The following ATP11C variants were observed in gnomAD, a reference collection of about 807,000 sequenced individuals.
ATP11C encodes the protein phospholipid-transporting ATPase IG.
A neutral mutation model predicts 97.4 loss-of-function variants in ATP11C; 36 were observed. That is an observed-to-expected ratio of 0.37 (90% confidence interval 0.28 to 0.49). The LOEUF is 0.49. Among genes scored for constraint, ATP11C ranks in the 20% least tolerant of loss-of-function variants. The pLI, the probability that ATP11C is intolerant of heterozygous loss-of-function variation, is 0.98. For missense variants in ATP11C, 730 were observed against 824.6 expected (o/e 0.89, Z 1.40); for synonymous variants, 275 against 290.9 (o/e 0.95, Z 0.56).
intron 28 of ATP11C, among the ~76,000 whole-genome samples, chrX:139,734,023 T>C (rs2081396693): frequency 9.0e-6 from 1 of 110,974 alleles, no homozygotes; most frequent in Non-Finnish European, 1.9e-5. Flanking sequence ...CCACATTCCT[T>C]TGCAGTCATC....
At chrX:139,732,384 G>A in intron 28 of ATP11C, 2 of 306,968 alleles carry the variant, frequency 6.5e-6, no homozygotes, top group South Asian at 3.3e-5. Context: ...AGAAAATGGT[G>A]TCAGGCAAAT....
intron 2 of ATP11C, among the ~76,000 whole-genome samples, chrX:139,826,311 C>G (rs2083527753): frequency 9.1e-6 from 1 of 109,748 alleles, no homozygotes; most frequent in South Asian, 4.0e-4. Context: ...CATTCCAGGA[C>G]AGCATTCTCC....
chrX:139,870,180 T>A (rs1012525005), intron 1 of ATP11C, among the ~76,000 whole-genome samples: 4 of 111,946 alleles, frequency 3.6e-5, no homozygotes, highest in Non-Finnish European at 1.9e-5. Context: ...TCAAATTGTA[T>A]GCATTAAATA....
chrX:139,757,372 G>A (rs1212129797), intron 23 of ATP11C, among the ~76,000 whole-genome samples: 1 of 111,354 alleles, frequency 9.0e-6, no homozygotes, highest in African/African-American at 3.3e-5. Flanking sequence ...ACAATAGAAG[G>A]CAAAACATCT....
chrX:139,861,299 T>C (rs1053799629), intron 1 of ATP11C, among the ~76,000 whole-genome samples: 4 of 111,886 alleles, frequency 3.6e-5, no homozygotes, highest in African/African-American at 1.3e-4. Context: ...CACTATTTTA[T>C]TCATTTCATA....
Position 139,729,008 on chromosome X carries a change from T to C in ATP11C, c.*4-46A>G, listed in dbSNP as rs761278491. The C allele has an allele frequency of 1.2e-5, 12 of 973,912 alleles. No homozygotes were observed. In the Admixed American group the frequency reaches 2.5e-4, roughly 21 times the overall value. 80.3% of individuals were successfully genotyped at this position (973,912 alleles called of 1,213,427 possible). Reference sequence around the variant, plus strand: ...AGATTTAAAAGGCTTATTTTAATAATGTGAAACCATCTGTTAAGCATTTTC... The same window carrying C: ...AGATTTAAAAGGCTTATTTTAATAACGTGAAACCATCTGTTAAGCATTTTC... On this transcript the variant is annotated intron_variant, in intron 29 of 29. Transcript: ENST00000682941.
At chrX:139,934,417 T>C (rs1181296961), upstream of ATP11C, among the ~76,000 whole-genome samples, 1 of 111,174 alleles carries the variant, frequency 9.0e-6, no homozygotes, top group African/African-American at 3.3e-5. Flanking sequence ...CTAATGATTT[T>C]TAAGATTTAT....
At chrX:139,731,871 G>A in intron 28 of ATP11C, 116 bp from the exon 29 acceptor site, 1 of 320,288 alleles carries the variant, frequency 3.1e-6, no homozygotes. Flanking sequence ...CTACTCCTCT[G>A]GCCAAAAGTA....
At chrX:139,933,753 T>C (rs992385918), upstream of ATP11C, among the ~76,000 whole-genome samples, 5 of 112,208 alleles carry the variant, frequency 4.5e-5, no homozygotes, top group African/African-American at 1.6e-4. Context: ...CTACTAGGCA[T>C]AGGCGCTTCT....
intron 1 of ATP11C, chrX:139,832,130 G>A (rs767872442): frequency 8.3e-7 from 1 of 1,202,624 alleles, no homozygotes; most frequent in African/African-American, 1.7e-5. Flanking sequence ...CTGAAAAGAG[G>A]AGAAATAAAT....
At chrX:139,905,029 CA>C (rs949353130) in intron 1 of ATP11C, among the ~76,000 whole-genome samples, 4 of 111,649 alleles carry the variant, frequency 3.6e-5, no homozygotes, top group African/African-American at 1.3e-4. Context: ...AGAGTGGATC[CA>C]AAAAAACAAT....
chrX:139,903,363 C>A (rs1054321832), intron 1 of ATP11C, among the ~76,000 whole-genome samples: 27 of 109,744 alleles, frequency 2.5e-4, no homozygotes, highest in African/African-American at 9.0e-4. Context: ...GTCTTAAGAG[C>A]CTTCCATGCA....
chrX:139,855,969 TA>T (rs1295375860), intron 1 of ATP11C, among the ~76,000 whole-genome samples: 3 of 112,384 alleles, frequency 2.7e-5, no homozygotes, highest in South Asian at 7.4e-4. Context: ...TGTAATTTCC[TA>T]AAACCATATA....
chrX:139,896,898 T>C (rs1157172720), intron 1 of ATP11C, among the ~76,000 whole-genome samples: 1 of 110,785 alleles, frequency 9.0e-6, no homozygotes, highest in African/African-American at 3.3e-5. Context: ...TTATTAATTA[T>C]GGCAAATGTA....
intron 28 of ATP11C, among the ~76,000 whole-genome samples, chrX:139,734,947 C>T (rs1319807810): frequency 9.0e-5 from 10 of 111,551 alleles, no homozygotes; most frequent in Middle Eastern, 4.6e-3. Context: ...GCCATACTAG[C>T]GATTTTACTG....
At chrX:139,803,537 A>T (rs2082971042) in intron 6 of ATP11C, among the ~76,000 whole-genome samples, 1 of 110,374 alleles carries the variant, frequency 9.1e-6, no homozygotes, top group African/African-American at 3.3e-5. Flanking sequence ...TGTGCCAGAA[A>T]GTGTATGAGG....
chrX:139,788,579 T>C (rs5954540), intron 13 of ATP11C, among the ~76,000 whole-genome samples: 6,475 of 111,375 alleles, frequency 0.058, 449 homozygotes, highest in African/African-American at 0.2. Context: ...ATTAAGGTTA[T>C]TGTGGCACCA....
chrX:139,923,643 G>A (rs978177591), intron 1 of ATP11C, among the ~76,000 whole-genome samples: 4 of 112,048 alleles, frequency 3.6e-5, no homozygotes, highest in African/African-American at 1.3e-4. Context: ...GAAGCTTAAA[G>A]AACGTCCCCA....
chrX:139,915,141 T>C (rs2148147499), intron 1 of ATP11C, among the ~76,000 whole-genome samples: 1 of 111,404 alleles, frequency 9.0e-6, no homozygotes, highest in Non-Finnish European at 1.9e-5. Context: ...TTAAAAAAGA[T>C]TTTTAAAAAT....
Sources: gnomAD v4.1 joint callset for allele counts (sites outside exome capture counted in the v4.1 genomes callset) on GRCh38, gnomAD v4.1.1 for gene constraint, MANE v1.5 for transcripts, NCBI Gene and HGNC (gene_info 2026-07-23, HGNC 2026-07-21) for gene names.